The following TESMIN variants were observed in gnomAD, a reference collection of about 807,000 sequenced individuals.
TESMIN encodes testis expressed metallothionein like protein.
In TESMIN, 34 loss-of-function variants were observed where a neutral mutation model predicts 47.4. The ratio of observed to expected loss-of-function variants is 0.72; its 90% CI spans 0.55 to 0.96. The LOEUF (loss-of-function observed/expected upper bound fraction) is 0.96. Ranked by LOEUF, TESMIN falls within the 40% of genes least tolerant of loss-of-function variation. The pLI, the probability that TESMIN is intolerant of heterozygous loss-of-function variation, is 0.00. For missense variants in TESMIN, 610 were observed against 637.2 expected (o/e 0.96, Z 0.46); for synonymous variants, 278 against 258.9 (o/e 1.07, Z -0.71).
Position 68,738,639 on chromosome 11 carries a change from G to A in TESMIN, c.917+61C>T. The A allele has an allele frequency of 3.1e-6, 5 of 1,600,596 alleles. No individual in the cohort carries two copies. The South Asian group carries it at 3.4e-5, about 11-fold the overall frequency. ...TATAGTATAGAAGAAAATCGTGAAC[G>A]TATCCAAGAGTCTCTTAAATTATTA... On this transcript the variant is annotated intron_variant, in intron 6 of 9. Transcript: ENST00000255087.
intron 5 of TESMIN, 90 bp downstream of exon 5, chr11:68,742,228 A>G: frequency 1.3e-6 from 1 of 787,762 alleles, no homozygotes; most frequent in South Asian, 1.8e-5. Context: ...AAAATAAATT[A>G]TATTTCCTGA....
intron 6 of TESMIN, among the ~76,000 whole-genome samples, chr11:68,727,126 T>C (rs1946274028): frequency 6.6e-6 from 1 of 150,790 alleles, no homozygotes; most frequent in Non-Finnish European, 1.5e-5. Context: ...AGTCAATCAA[T>C]ATATGAAAGG....
chr11:68,724,445 C>T (rs1394786130), intron 6 of TESMIN, among the ~76,000 whole-genome samples: 1 of 152,190 alleles, frequency 6.6e-6, no homozygotes, highest in East Asian at 1.9e-4. Flanking sequence ...AGCCACTTCC[C>T]CTTATCCTAC....
chr11:68,726,716 C>T (rs1946268264), intron 6 of TESMIN, among the ~76,000 whole-genome samples: 1 of 152,068 alleles, frequency 6.6e-6, no homozygotes, highest in Admixed American at 6.6e-5. Flanking sequence ...AATAATTAAT[C>T]TAGTTAATTA....
chr11:68,750,673 C>A lies in TESMIN; in HGVS notation c.-13G>T. 3 of 1,459,830 alleles carry A rather than the reference C, an allele frequency of 2.1e-6. No individual in the cohort carries two copies. The highest frequency in any genetic ancestry group is 2.7e-6 in the Non-Finnish European group (3 of 1,100,512). 90.4% of individuals were successfully genotyped at this position (1,459,830 alleles called of 1,614,324 possible). ...GGCCCTCCTCCATGGCGCAGGGCGGCGGGGCGGGATGGCGGGGGCCGCGCA... is the reference window on the plus strand; with the variant it reads ...GGCCCTCCTCCATGGCGCAGGGCGGAGGGGCGGGATGGCGGGGGCCGCGCA... On this transcript the variant is annotated 5_prime_UTR_variant, in exon 2 of 10. Transcript: ENST00000255087.
chr11:68,739,056 G>T (rs114791947), intron 5 of TESMIN, among the ~76,000 whole-genome samples: 3 of 152,142 alleles, frequency 2.0e-5, no homozygotes, highest in Non-Finnish European at 4.4e-5. Context: ...GCTGGAGGCC[G>T]TCCATAGCTG....
intron 6 of TESMIN, among the ~76,000 whole-genome samples, chr11:68,720,481 A>T (rs1946192042): frequency 6.6e-6 from 1 of 152,186 alleles, no homozygotes; most frequent in Non-Finnish European, 1.5e-5. Flanking sequence ...TGGAAAACCC[A>T]GGGCTCTCTT....
intron 6 of TESMIN, among the ~76,000 whole-genome samples, chr11:68,721,673 G>A (rs1289528398): frequency 1.3e-5 from 2 of 152,178 alleles, no homozygotes; most frequent in Non-Finnish European, 2.9e-5. Context: ...TGTTGGAAAA[G>A]TCTCTGGAAT....
downstream of TESMIN, among the ~76,000 whole-genome samples, chr11:68,705,072 T>C (rs1945985704): frequency 6.6e-6 from 1 of 152,184 alleles, no homozygotes; most frequent in Non-Finnish European, 1.5e-5. Flanking sequence ...CCTGTCGTGC[T>C]TCCTCCCTCC....
rs1223992476 is a variant in TESMIN at position 68,746,591 on chromosome 11, C to T, written c.630+617G>A. On this transcript the variant is annotated intron_variant, in intron 3 of 9. Coordinates refer to ENST00000255087, the MANE Select transcript of TESMIN (RefSeq NM_004923.3). The stretch of plus-strand genomic sequence containing the variant: ...TGCTTTGCTAAGGGAATGCTGTGGG[C>T]GACACTCTCCCCATTCCTAGTCCTT... Among the ~76,000 whole-genome samples, 5 of 152,210 alleles carry T rather than the reference C, an allele frequency of 3.3e-5. No individual in the cohort carries two copies. In the Middle Eastern group the frequency reaches 0.01, roughly 311 times the overall value.
intron 6 of TESMIN, among the ~76,000 whole-genome samples, chr11:68,723,674 C>T (rs796196348): frequency 4.0e-5 from 6 of 151,734 alleles, no homozygotes; most frequent in Non-Finnish European, 7.4e-5. Context: ...TAGAACTGAT[C>T]GAGAAAGTCT....
At chr11:68,721,006 T>G (rs189155530) in intron 6 of TESMIN, among the ~76,000 whole-genome samples, 2 of 152,186 alleles carry the variant, frequency 1.3e-5, no homozygotes, top group East Asian at 3.9e-4. Flanking sequence ...TTCTACAAAC[T>G]GCTTCAGTGT....
At chr11:68,713,511 A>G (rs74926272) in intron 7 of TESMIN, 104 bp from the exon 8 acceptor site, 28,799 of 1,309,326 alleles carry the variant, frequency 0.022, 428 homozygotes, top group Non-Finnish European at 0.027. Context: ...AGATGCCACA[A>G]TAAACAGAGT....
Position 68,724,384 on chromosome 11 carries a change from A to T in TESMIN, c.918-8445T>A, listed in dbSNP as rs545799802. 1.0e-3 allele frequency among the ~76,000 whole-genome samples: 152 copies of T among 152,346 alleles called. 1 individual carries two copies. In the South Asian group the frequency reaches 0.011, roughly 11 times the overall value. On this transcript the variant is annotated intron_variant, in intron 6 of 9. Transcript: ENST00000255087. ...TAGGAAACTAGGAATAGAAGGAAGC[A>T]TCCTTAACCTGAGAAGGGCACGTAG...
intron 6 of TESMIN, among the ~76,000 whole-genome samples, chr11:68,722,346 G>A (rs967317674): frequency 2.0e-5 from 3 of 152,164 alleles, no homozygotes; most frequent in Non-Finnish European, 2.9e-5. Flanking sequence ...AGTGATGGTG[G>A]TTGCGCAACA....
At chr11:68,743,156 C>T (rs182997051) in intron 4 of TESMIN, among the ~76,000 whole-genome samples, 29 of 151,864 alleles carry the variant, frequency 1.9e-4, no homozygotes, top group African/African-American at 6.0e-4. Flanking sequence ...AGATTACAGG[C>T]GTGAGCCAGC....
intron 6 of TESMIN, among the ~76,000 whole-genome samples, chr11:68,720,953 G>A (rs554237550): frequency 3.4e-4 from 52 of 152,250 alleles, no homozygotes; most frequent in African/African-American, 1.3e-3. Flanking sequence ...ATAAGTATAT[G>A]TTGTTTGGTT....
chr11:68,725,132 C>T (rs1478125735), intron 6 of TESMIN, among the ~76,000 whole-genome samples: 5 of 152,222 alleles, frequency 3.3e-5, no homozygotes, highest in African/African-American at 7.2e-5. Context: ...ATGTCTGGAG[C>T]GGGATTGAGA....
At chr11:68,716,041 G>C in intron 6 of TESMIN, 102 bp from the exon 7 acceptor site, 3 of 737,154 alleles carry the variant, frequency 4.1e-6, no homozygotes, top group Non-Finnish European at 7.0e-6. Flanking sequence ...GTGTGCTGCA[G>C]TCAGAACACT....
Sources: gnomAD v4.1 joint callset for allele counts (sites outside exome capture counted in the v4.1 genomes callset) on GRCh38, gnomAD v4.1.1 for gene constraint, MANE v1.5 for transcripts, NCBI Gene and HGNC (gene_info 2026-07-23, HGNC 2026-07-21) for gene names.